SUPT20H: variants seen among roughly 807,000 people sequenced by gnomAD.
The protein encoded by SUPT20H is SPT20 homolog, SAGA complex component.
A neutral mutation model predicts 122.8 loss-of-function variants in SUPT20H; 82 were observed. That is an observed-to-expected ratio of 0.67 (90% CI 0.56 to 0.80). The LOEUF is 0.80. Ranked by LOEUF, SUPT20H falls within the 30% of genes least tolerant of loss-of-function variation. SUPT20H has a pLI of 0.00. For synonymous variants in SUPT20H, 291 were observed against 313.0 expected, an observed-to-expected ratio of 0.93 and a Z score of 0.74; for missense variants, 831 against 921.6, an observed-to-expected ratio of 0.90 and a Z score of 1.27.
In SUPT20H at chr13:37,029,923, T is replaced by G. The variant is rs181891667; in HGVS notation, c.922-87A>C. ...AGTATTCTGATCAAAGAGAAGAAAC[T>G]AAGTAACTCGACAATACAATATACT... On this transcript the variant is annotated intron_variant, in intron 12 of 25. Transcript: ENST00000350612. 2.1e-4 allele frequency: 213 copies of G among 1,016,528 alleles called. No homozygotes were observed. In the East Asian group the frequency reaches 5.7e-3, roughly 27 times the overall value. The allele number at this position is 1,016,528 out of a possible 1,614,324, so 63.0% of individuals were successfully genotyped here. A position where few individuals can be genotyped will look rare whatever the true frequency, so the allele number is the denominator to read the frequency against.
intron 7 of SUPT20H, among the ~76,000 whole-genome samples, chr13:37,043,657 T>C (rs1389030688): frequency 6.6e-6 from 1 of 152,058 alleles, no homozygotes; most frequent in African/African-American, 2.4e-5. Context: ...CTATTATTAT[T>C]AGTTTTAGAG....
intron 7 of SUPT20H, among the ~76,000 whole-genome samples, chr13:37,043,449 A>G (rs560951105): frequency 3.3e-5 from 5 of 152,316 alleles, no homozygotes; most frequent in Admixed American, 2.0e-4. Context: ...CTGGCCCCCA[A>G]GTGAAAAACT....
intron 4 of SUPT20H, 133 bp downstream of exon 4, chr13:37,047,745 A>G (rs1439459359): frequency 8.3e-7 from 1 of 1,211,538 alleles, no homozygotes; most frequent in African/African-American, 1.6e-5. Flanking sequence ...AGTAGCTAAC[A>G]TCAACTTAGA....
intron 12 of SUPT20H, among the ~76,000 whole-genome samples, chr13:37,030,140 C>CT (rs756374308): frequency 7.9e-5 from 12 of 152,146 alleles, no homozygotes; most frequent in South Asian, 4.1e-4. Context: ...TCCTTTAGAG[C>CT]TTTTCCTTCA....
chr13:37,017,017 A>G (rs2060629906), intron 23 of SUPT20H, among the ~76,000 whole-genome samples: 1 of 152,214 alleles, frequency 6.6e-6, no homozygotes, highest in Non-Finnish European at 1.5e-5. Context: ...AGAGCAAGCC[A>G]TTTATCTGGA....
intron 1 of SUPT20H, chr13:37,059,314 C>T (rs921454057): frequency 6.6e-6 from 1 of 152,276 alleles, no homozygotes; most frequent in African/African-American, 2.4e-5. Flanking sequence ...ATACCCGTCT[C>T]TGGAACCCAA....
chr13:37,010,633 G>C lies in SUPT20H; in HGVS notation c.2121C>G (p.Ala707=). ...GAAGGCTTTGCTCAGGTCTGTTCTC[G>C]GCAGAGCCAAGCTGAGACAACACTA... ...QAAVLSQLGS[A]ENRPEQSLPQ... The change falls in exon 25 of 26, where the codon GCC becomes GCG. Residue 707 remains alanine (A), a synonymous_variant. Coordinates refer to ENST00000350612, the MANE Select transcript of SUPT20H (RefSeq NM_001014286.3). 6.2e-7 allele frequency: 1 copy of C among 1,613,664 alleles called. No individual in the cohort carries two copies. Among genetic ancestry groups the C allele is most frequent in the South Asian group, 1.1e-5 (1 of 91,018 alleles).
chr13:37,045,977 T>G (rs778438484), intron 5 of SUPT20H, among the ~76,000 whole-genome samples: 28 of 152,238 alleles, frequency 1.8e-4, no homozygotes, highest in Middle Eastern at 3.4e-3. Context: ...TCCATGATTT[T>G]AAAAATGCTT....
At position 37,059,603 on chromosome 13, in the gene SUPT20H, G is replaced by C. The variant is rs1251558332; in HGVS notation, c.-138C>G. On this transcript the variant is annotated 5_prime_UTR_variant, in exon 1 of 26. Coordinates refer to ENST00000350612, the MANE Select transcript of SUPT20H (RefSeq NM_001014286.3). ...GCTAGGCCCCAAGACGGCGCCGCCT[G>C]CTCGGCAGCAAAGCCCACCCGCCCC... The C allele has an allele frequency of 6.6e-6, 1 of 152,300 alleles. No homozygotes were observed. The highest frequency in any genetic ancestry group is 6.5e-5 in the Admixed American group (1 of 15,290). 9.4% of individuals were successfully genotyped at this position (152,300 alleles called of 1,614,324 possible). A position where few individuals can be genotyped will look rare whatever the true frequency, so the allele number is the denominator to read the frequency against.
rs1255520083 is a variant in SUPT20H at position 37,031,552 on chromosome 13, C to A, written c.921+15G>T. 8 of 1,505,986 alleles carry A rather than the reference C, an allele frequency of 5.3e-6. No homozygotes were observed. Among genetic ancestry groups the A allele is most frequent in the South Asian group, 2.8e-5 (2 of 72,428 alleles). 93.3% of individuals were successfully genotyped at this position (1,505,986 alleles called of 1,614,324 possible). Reference sequence around the variant, plus strand: ...AAACTTTATATGAAAAAAAGTAATTCATGAACTGACTTACATCTACTTCAG... The same window carrying A: ...AAACTTTATATGAAAAAAAGTAATTAATGAACTGACTTACATCTACTTCAG... On this transcript the variant is annotated intron_variant, in intron 12 of 25. Transcript: ENST00000350612.
In SUPT20H at chr13:37,044,157, T is replaced by C. The variant is rs2065987583; in HGVS notation, c.317A>G (p.Tyr106Cys). ...GSDSETIRLP[Y>C]EEGELLEYLD... ...ATATTCAAGCAACTCTCCTTCTTCA[T>C]AGGGCAGTCGAATGGTCTCGGAATC... The change falls in exon 7 of 26, where the codon TAT becomes TGT. Residue 106 changes from tyrosine to cysteine, a missense_variant. Physicochemically the swap from Tyr to Cys is radical, Grantham distance 194 (BLOSUM62 -2). Transcript: ENST00000350612. The C allele has an allele frequency of 1.2e-6, 2 of 1,612,694 alleles. No individual in the cohort carries two copies. The highest frequency in any genetic ancestry group is 1.7e-6 in the Non-Finnish European group (2 of 1,179,416).
rs1022240973 is a variant in SUPT20H, at chr13:37,044,107, T to C, written c.367A>G (p.Ile123Val). Residue 123 changes from isoleucine to valine, a missense_variant, in exon 7 of 26, where the codon ATT becomes GTT. By Grantham distance (29) the Ile-to-Val change is conservative. Coordinates refer to ENST00000350612, the MANE Select transcript of SUPT20H (RefSeq NM_001014286.3). ...EYLDAEELPP[I>V]LVDLLEKSQV... ...GATTTTTCTAGGAGATCAACCAAAA[T>C]AGGAGGTAATTCTTCTGCATCCAAA... 3 of 1,612,514 alleles carry C rather than the reference T, an allele frequency of 1.9e-6. No individual in the cohort carries two copies. The highest frequency in any genetic ancestry group is 1.3e-5 in the African/African-American group (1 of 74,784).
chr13:37,059,249 C>A (rs1450396675), intron 1 of SUPT20H: 1 of 152,222 alleles, frequency 6.6e-6, no homozygotes, highest in Non-Finnish European at 1.5e-5. Context: ...AATATGGACA[C>A]CAAGAAAACC....
chr13:37,047,746 T>C, intron 4 of SUPT20H, 132 bp downstream of exon 4: 1 of 1,214,706 alleles, frequency 8.2e-7, no homozygotes, highest in Non-Finnish European at 1.1e-6. Flanking sequence ...GTAGCTAACA[T>C]CAACTTAGAA....
In SUPT20H at chr13:37,009,761, G is replaced by GTGCTGC. The variant is rs1413073870; in HGVS notation, c.2245_2250dup (p.Ala749_Ala750dup). 2.5e-6 allele frequency: 4 copies of GTGCTGC among 1,613,662 alleles called. No individual in the cohort carries two copies. The South Asian group carries it at 3.3e-5, about 13-fold the overall frequency. On this transcript the variant is annotated inframe_insertion, in exon 26 of 26. Coordinates refer to ENST00000350612, the MANE Select transcript of SUPT20H (RefSeq NM_001014286.3). ...CGATGATGATGTAGCTGAGCTGTTT[G>GTGCTGC]TGCTGCTGCTGCTGCCATAGCCATT...
chr13:37,029,009 G>T (rs952691913), intron 13 of SUPT20H, among the ~76,000 whole-genome samples: 9 of 151,390 alleles, frequency 5.9e-5, no homozygotes, highest in African/African-American at 2.2e-4. Flanking sequence ...GTCTGCTTTT[G>T]CTATCACACA....
rs534074208 is a variant in SUPT20H at position 37,040,517 on chromosome 13, C to A, written c.513+59G>T. The A allele has an allele frequency of 8.8e-6, 14 of 1,586,510 alleles. No homozygotes were observed. In the Admixed American group the frequency reaches 2.0e-4, roughly 22 times the overall value. The stretch of plus-strand genomic sequence containing the variant: ...TCTATGCACAAACATATGAAGAATT[C>A]GATAAATAAAACTCCCAACTAAAAT... On this transcript the variant is annotated intron_variant, in intron 8 of 25. Transcript: ENST00000350612.
At position 37,026,316 on chromosome 13, in the gene SUPT20H, T is replaced by C. The variant is rs1285144188; in HGVS notation, c.1179-80A>G. 13 of 1,091,244 alleles carry C rather than the reference T, an allele frequency of 1.2e-5. No individual in the cohort carries two copies. The South Asian group carries it at 2.7e-4, about 23-fold the overall frequency. 67.6% of individuals were successfully genotyped at this position (1,091,244 alleles called of 1,614,324 possible). A position where few individuals can be genotyped will look rare whatever the true frequency, so the allele number is the denominator to read the frequency against. On this transcript the variant is annotated intron_variant, in intron 15 of 25. Transcript: ENST00000350612. The stretch of plus-strand genomic sequence containing the variant: ...AAGAAGGCTTGGGATTACTTTTGAA[T>C]CTTCCATGTTTTAGTCACAGTAATA...
At chr13:37,021,352 G>T in intron 21 of SUPT20H, 96 bp downstream of exon 21, 1 of 1,216,752 alleles carries the variant, frequency 8.2e-7, no homozygotes, top group Non-Finnish European at 1.1e-6. Context: ...ATGAAATAAT[G>T]ACATTAAATG....
Sources: gnomAD v4.1 joint callset for allele counts (sites outside exome capture counted in the v4.1 genomes callset) on GRCh38, gnomAD v4.1.1 for gene constraint, MANE v1.5 for transcripts, NCBI Gene and HGNC (gene_info 2026-07-23, HGNC 2026-07-21) for gene names.